Variants in STK10 observed in about 807,000 individuals in gnomAD.
STK10 encodes serine/threonine-protein kinase 10.
STK10 carries 78 observed loss-of-function variants against 113.8 expected under a neutral mutation model. The observed-to-expected ratio is 0.69, with a 90% CI of 0.57 to 0.83. STK10 has a LOEUF of 0.83. Ranked by LOEUF, STK10 falls within the 40% of genes least tolerant of loss-of-function variation. The pLI is 0.00. For synonymous variants in STK10, 465 were observed against 494.7 expected (o/e 0.94, Z 0.80); for missense variants, 1,109 against 1,280.1 (o/e 0.87, Z 2.04).
At position 172,044,872 on chromosome 5, in the gene STK10, C is replaced by T. The variant is rs547595009; in HGVS notation, c.*10G>A. The T allele has an allele frequency of 2.5e-4, 404 of 1,614,114 alleles. 2 individuals carry two copies. In the South Asian group the frequency reaches 3.7e-3, roughly 15 times the overall value. ...CCCACCAAGCTGCCAGCCACAGCCC[C>T]GGGCGGTTGTTAAGAAGCATCCGCA... On this transcript the variant is annotated 3_prime_UTR_variant, in exon 19 of 19. Transcript: ENST00000176763. This position sits in a 1 kb window ranked among gnomAD's most constrained non-coding sequence, Gnocchi z 4.5.
chr5:172,114,473 A>ATATATATATATATATATATTTTTT (rs1226289994), intron 4 of STK10: 1 of 47,538 alleles, frequency 2.1e-5, no homozygotes, highest in Non-Finnish European at 3.2e-5. Flanking sequence ...ATATATATAT[A>ATATATATATATATATATATTTTTT]TTTTTTTTTT....
intron 7 of STK10, among the ~76,000 whole-genome samples, chr5:172,098,740 C>T (rs1011343631): frequency 6.6e-6 from 1 of 152,188 alleles, no homozygotes; most frequent in Admixed American, 6.5e-5. Context: ...CTGGTAAAAT[C>T]CAGCTTCCAC....
At chr5:172,159,232 G>A (rs1035556864) in intron 1 of STK10, among the ~76,000 whole-genome samples, 1 of 152,164 alleles carries the variant, frequency 6.6e-6, no homozygotes, top group African/African-American at 2.4e-5. Flanking sequence ...TGCTGCATGG[G>A]GTTCCAGTGT....
chr5:172,061,288 C>T lies in STK10; in HGVS notation c.2083-20G>A. On this transcript the variant is annotated intron_variant, in intron 13 of 18. Coordinates refer to ENST00000176763, the MANE Select transcript of STK10 (RefSeq NM_005990.4). ...CCGGTCCTGTGGGGAGAGAGGAGGA[C>T]AGGCCTTTATCCAGAGCCGGCTTGG... is the stretch of plus-strand genomic sequence containing the variant. 1.9e-6 allele frequency: 3 copies of T among 1,602,770 alleles called. No homozygotes were observed. Among genetic ancestry groups the T allele is most frequent in the Non-Finnish European group, 2.5e-6 (3 of 1,176,992 alleles).
At chr5:172,066,659 A>AGG (rs1768077584) in intron 12 of STK10, among the ~76,000 whole-genome samples, 1 of 152,226 alleles carries the variant, frequency 6.6e-6, no homozygotes, top group Non-Finnish European at 1.5e-5. Flanking sequence ...GTGGTGGCAC[A>AGG]TGCCAGTTAT....
At chr5:172,076,289 G>C (rs1381321847) in intron 12 of STK10, among the ~76,000 whole-genome samples, 1 of 130,174 alleles carries the variant, frequency 7.7e-6, no homozygotes, top group Non-Finnish European at 1.6e-5. Flanking sequence ...TAGTTGTAGG[G>C]GCTGTCCTGT....
chr5:172,105,559 C>G (rs1460890103), intron 7 of STK10, 97 bp downstream of exon 7: 4 of 1,293,460 alleles, frequency 3.1e-6, no homozygotes, highest in Non-Finnish European at 4.4e-6. Flanking sequence ...CCATGCTGTT[C>G]CCTGGGCGGG....
intron 10 of STK10, among the ~76,000 whole-genome samples, chr5:172,087,605 AAATT>A (rs1768597348): frequency 7.6e-6 from 1 of 131,672 alleles, no homozygotes; most frequent in African/African-American, 3.5e-5. Flanking sequence ...TTTATTTTTT[AAATT>A]TATTTACTTA....
chr5:172,074,856 T>C (rs1204990185), intron 12 of STK10, among the ~76,000 whole-genome samples: 1 of 152,000 alleles, frequency 6.6e-6, no homozygotes, highest in Non-Finnish European at 1.5e-5. Context: ...CTGTCTCTAA[T>C]AAAAATACAA....
chr5:172,073,987 A>C (rs1294178154), intron 12 of STK10, among the ~76,000 whole-genome samples: 1 of 150,912 alleles, frequency 6.6e-6, no homozygotes, highest in Non-Finnish European at 1.5e-5. Context: ...TAATAATAAT[A>C]ATTCGAATAT....
At chr5:172,117,728 C>A in intron 3 of STK10, 98 bp from the exon 4 acceptor site, 6 of 1,528,272 alleles carry the variant, frequency 3.9e-6, no homozygotes, top group Non-Finnish European at 5.3e-6. Context: ...AAGCCACCAA[C>A]ATTAGGCCAG....
chr5:172,076,376 A>G (rs375614738), intron 12 of STK10, among the ~76,000 whole-genome samples: 5 of 35,344 alleles, frequency 1.4e-4, no homozygotes, highest in African/African-American at 2.0e-4. Context: ...TGTCCTGTGC[A>G]TTTGTTGTGG....
At chr5:172,148,722 C>A (rs992156694) in intron 2 of STK10, among the ~76,000 whole-genome samples, 1 of 152,234 alleles carries the variant, frequency 6.6e-6, no homozygotes, top group African/African-American at 2.4e-5. Context: ...GAACTGTTCC[C>A]AGTGATGCCC....
intron 18 of STK10, among the ~76,000 whole-genome samples, chr5:172,046,047 T>C (rs1767487522): frequency 6.6e-6 from 1 of 151,512 alleles, no homozygotes; most frequent in Non-Finnish European, 1.5e-5. Flanking sequence ...CCTTATATAC[T>C]TAAAAGTGGA....
chr5:172,059,090 C>T (rs1313534140), intron 14 of STK10, among the ~76,000 whole-genome samples: 1 of 150,726 alleles, frequency 6.6e-6, no homozygotes, highest in Non-Finnish European at 1.5e-5. Context: ...ATTAGCTGGG[C>T]ATGGTGGCGG....
chr5:172,135,375 G>A (rs888830270), intron 2 of STK10, among the ~76,000 whole-genome samples: 2 of 152,106 alleles, frequency 1.3e-5, no homozygotes, highest in Non-Finnish European at 2.9e-5. Flanking sequence ...AGCCAGGTGT[G>A]GTGGCACACG....
Position 172,050,093 on chromosome 5 carries a change from A to G in STK10, c.2766+2836T>C, listed in dbSNP as rs1767595287. On this transcript the variant is annotated intron_variant, in intron 18 of 18. Coordinates refer to ENST00000176763, the MANE Select transcript of STK10 (RefSeq NM_005990.4). ...GCTGGGATTACAGGTGTGAGCCACC[A>G]TGCCAGGCCCACTCATAGTATTTTA... is the stretch of plus-strand genomic sequence containing the variant. Among the ~76,000 whole-genome samples, 2 of 152,154 alleles carry G rather than the reference A, an allele frequency of 1.3e-5. 1 individual carries two copies. The highest frequency in any genetic ancestry group is 4.1e-4 in the South Asian group (2 of 4,830).
chr5:172,056,935 AAAAG>A (rs147927134), intron 15 of STK10: 2,306 of 102,552 alleles, frequency 0.022, 114 homozygotes, highest in African/African-American at 0.088. Context: ...GGAAGGAAAG[AAAAG>A]AAAGAAAGAA....
chr5:172,092,294 G>A (rs1242819398), intron 9 of STK10: 13 of 152,640 alleles, frequency 8.5e-5, no homozygotes, highest in Admixed American at 7.2e-4. Flanking sequence ...GCACAGCGGG[G>A]GACTCTCATG....
Sources: allele counts gnomAD v4.1 joint callset (sites outside exome capture counted in the v4.1 genomes callset), GRCh38; gene constraint gnomAD v4.1.1; non-coding constraint Gnocchi (gnomAD v3.1); transcripts MANE v1.5; gene names NCBI Gene and HGNC (gene_info 2026-07-23, HGNC 2026-07-21).